DPYD: variants seen among roughly 807,000 people sequenced by gnomAD.
DPYD encodes the protein dihydropyrimidine dehydrogenase [NADP(+)].
DPYD carries 109 observed loss-of-function variants against 116.2 expected under a neutral mutation model. The observed-to-expected ratio is 0.94, with a 90% CI of 0.80 to 1.10. DPYD has a LOEUF of 1.10. Among genes scored for constraint, DPYD ranks in the 50% least tolerant of loss-of-function variants. The pLI is 0.00. For synonymous variants in DPYD, 440 were observed against 432.0 expected (o/e 1.02, Z -0.23); for missense variants, 1,302 against 1,254.5 (o/e 1.04, Z -0.57).
intron 20 of DPYD, among the ~76,000 whole-genome samples, chr1:97,145,339 ACACT>A (rs1654536221): frequency 6.6e-6 from 1 of 152,102 alleles, no homozygotes; most frequent in Non-Finnish European, 1.5e-5. Flanking sequence ...TGCAGGGGAG[ACACT>A]CACTTAGCCT....
At chr1:97,190,730 G>A (rs565104302) in intron 20 of DPYD, among the ~76,000 whole-genome samples, 2 of 152,308 alleles carry the variant, frequency 1.3e-5, no homozygotes, top group East Asian at 3.9e-4. Context: ...TTACTTGAAA[G>A]ATAACATGAC....
chr1:97,546,587 A>G, intron 12 of DPYD: 1 of 1,608,444 alleles, frequency 6.2e-7, no homozygotes, highest in Non-Finnish European at 8.5e-7. Flanking sequence ...AAAATAACAC[A>G]TCCTGTGTAT....
intron 19 of DPYD, among the ~76,000 whole-genome samples, chr1:97,208,819 A>G (rs560487055): frequency 1.9e-3 from 290 of 152,202 alleles, no homozygotes; most frequent in Non-Finnish European, 3.1e-3. Flanking sequence ...GGACCAAATG[A>G]GATAAGAATT....
At position 97,883,360 on chromosome 1, in the gene DPYD, T is replaced by TA. The variant is rs1672324281; in HGVS notation, c.53dup (p.Leu18PhefsTer29). 6.2e-7 allele frequency: 1 copy of TA among 1,608,898 alleles called. No individual in the cohort carries two copies. The highest frequency in any genetic ancestry group is 1.3e-5 in the African/African-American group (1 of 74,820). On this transcript the variant is annotated frameshift_variant, in exon 2 of 23. Transcript: ENST00000370192. LOFTEE classifies it high-confidence loss of function. ...TTGCATGAGTTTGTGTTCGAGGATTTAAAGCCAGGATACTCTAAAGACAGC... is the reference window on the plus strand; with the variant it reads ...TTGCATGAGTTTGTGTTCGAGGATTTAAAAGCCAGGATACTCTAAAGACAGC...
chr1:97,857,981 ATGAT>A (rs751765526), intron 2 of DPYD, among the ~76,000 whole-genome samples: 44 of 151,952 alleles, frequency 2.9e-4, no homozygotes, highest in Non-Finnish European at 4.7e-4. Context: ...TTCTGTGTGA[ATGAT>A]TGCTGTGTTG....
chr1:97,114,512 G>T (rs1651827759), intron 20 of DPYD, among the ~76,000 whole-genome samples: 1 of 152,068 alleles, frequency 6.6e-6, no homozygotes, highest in African/African-American at 2.4e-5. Context: ...GAATGTCTTT[G>T]CATGAGTTAA....
intron 19 of DPYD, among the ~76,000 whole-genome samples, chr1:97,213,679 A>G (rs1660190742): frequency 1.3e-5 from 2 of 152,220 alleles, no homozygotes; most frequent in African/African-American, 4.8e-5. Flanking sequence ...GTACCTGTCC[A>G]TGGGGATAAA....
At chr1:97,173,188 A>T (rs563806548) in intron 20 of DPYD, among the ~76,000 whole-genome samples, 9 of 147,516 alleles carry the variant, frequency 6.1e-5, no homozygotes, top group Non-Finnish European at 1.2e-4. Flanking sequence ...ATACATATAT[A>T]TGTGTATATA....
chr1:97,514,375 G>A (rs61789182), intron 13 of DPYD, among the ~76,000 whole-genome samples: 2,622 of 151,820 alleles, frequency 0.017, 40 homozygotes, highest in Non-Finnish European at 0.023. Context: ...TTCTTCACCT[G>A]TGCCCAATTA....
chr1:97,828,074 T>C (rs1250308900), intron 3 of DPYD, 40 bp downstream of exon 3: 1 of 1,575,112 alleles, frequency 6.3e-7, no homozygotes, highest in Admixed American at 1.7e-5. Context: ...ACTTTTTCTT[T>C]ACCACATCTG....
chr1:97,315,203 G>C (rs1466772112), intron 16 of DPYD, among the ~76,000 whole-genome samples: 1 of 151,916 alleles, frequency 6.6e-6, no homozygotes, highest in Non-Finnish European at 1.5e-5. Flanking sequence ...ACAGACTCTG[G>C]CCCAGCTGCA....
chr1:97,225,147 T>C lies in DPYD; in HGVS notation c.2442+9705A>G, dbSNP rs1661051935. The stretch of plus-strand genomic sequence containing the variant: ...ATCGCTAGGTCACATCGTAGTTCTG[T>C]TTTTAATTTTTTGAGGAACCTCCAT... On this transcript the variant is annotated intron_variant, in intron 19 of 22. Transcript: ENST00000370192. 2.0e-5 allele frequency among the ~76,000 whole-genome samples: 3 copies of C among 152,120 alleles called. No individual in the cohort carries two copies. The South Asian group carries it at 6.2e-4, about 32-fold the overall frequency.
At chr1:97,504,228 T>G (rs921517173) in intron 13 of DPYD, among the ~76,000 whole-genome samples, 9 of 152,028 alleles carry the variant, frequency 5.9e-5, no homozygotes, top group Admixed American at 5.9e-4. Context: ...ATTTTCTTTT[T>G]TGGAGGTTGG....
intron 12 of DPYD, among the ~76,000 whole-genome samples, chr1:97,525,930 C>T (rs536124674): frequency 6.2e-5 from 9 of 145,434 alleles, no homozygotes; most frequent in African/African-American, 2.3e-4. Context: ...CCAGTCTCTC[C>T]AAGAGCTATC....
intron 4 of DPYD, among the ~76,000 whole-genome samples, chr1:97,738,910 C>CT (rs947848366): frequency 5.3e-5 from 8 of 151,942 alleles, no homozygotes; most frequent in Non-Finnish European, 5.9e-5. Context: ...TCCTTTTTGT[C>CT]TTTTTTTCTA....
intron 18 of DPYD, among the ~76,000 whole-genome samples, chr1:97,299,158 G>A (rs1415854656): frequency 6.6e-6 from 1 of 152,030 alleles, no homozygotes; most frequent in Non-Finnish European, 1.5e-5. Context: ...TTTTAGTACA[G>A]TAGATATGCA....
chr1:97,326,317 G>A (rs1232322532), intron 16 of DPYD, among the ~76,000 whole-genome samples: 1 of 151,888 alleles, frequency 6.6e-6, no homozygotes, highest in African/African-American at 2.4e-5. Flanking sequence ...TGAGTTTGAG[G>A]TCTCTATGGG....
intron 8 of DPYD, among the ~76,000 whole-genome samples, chr1:97,626,476 C>T (rs919570748): frequency 6.6e-6 from 1 of 151,880 alleles, no homozygotes; most frequent in Admixed American, 6.6e-5. Flanking sequence ...CATAAAAAAA[C>T]ATACAATGAC....
chr1:97,423,611 G>A (rs781121957), intron 14 of DPYD, among the ~76,000 whole-genome samples: 1 of 152,086 alleles, frequency 6.6e-6, no homozygotes, highest in Non-Finnish European at 1.5e-5. Context: ...GGCATTGAGA[G>A]GCAGATTGAA....
Sources: gnomAD v4.1 joint callset for allele counts (sites outside exome capture counted in the v4.1 genomes callset) on GRCh38, gnomAD v4.1.1 for gene constraint, MANE v1.5 for transcripts, NCBI Gene and HGNC (gene_info 2026-07-23, HGNC 2026-07-21) for gene names.